ABCD2: variants seen among roughly 807,000 people sequenced by gnomAD.
The protein encoded by ABCD2 is ATP-binding cassette sub-family D member 2.
Under a neutral mutation model 70.9 loss-of-function variants are expected in ABCD2, and 36 were observed. The observed-to-expected ratio is 0.51, with a 90% CI of 0.39 to 0.67. The LOEUF is 0.67. Ranked by LOEUF, ABCD2 falls within the 30% of genes least tolerant of loss-of-function variation. The pLI is 0.00. For missense variants in ABCD2, 729 were observed against 890.2 expected, an observed-to-expected ratio of 0.82 and a Z score of 2.30; for synonymous variants, 304 against 306.9, an observed-to-expected ratio of 0.99 and a Z score of 0.10.
intron 5 of ABCD2, among the ~76,000 whole-genome samples, chr12:39,601,446 G>T (rs1173659063): frequency 6.6e-6 from 1 of 151,596 alleles, no homozygotes; most frequent in Non-Finnish European, 1.5e-5. Flanking sequence ...TCTATTGGAT[G>T]CTTCCCTTTA....
At chr12:39,585,649 A>G (rs1941654013) in intron 7 of ABCD2, among the ~76,000 whole-genome samples, 5 of 152,326 alleles carry the variant, frequency 3.3e-5, no homozygotes, top group Admixed American at 3.3e-4. Context: ...ATACTCTTTC[A>G]AAAATGTTTT....
intron 8 of ABCD2, among the ~76,000 whole-genome samples, chr12:39,574,212 C>T (rs1322703780): frequency 1.3e-5 from 2 of 152,058 alleles, no homozygotes; most frequent in Admixed American, 6.6e-5. Flanking sequence ...AAATACATTG[C>T]AGTAGCTAAT....
At chr12:39,557,224 T>A (rs1206056359) in intron 9 of ABCD2, among the ~76,000 whole-genome samples, 2 of 152,148 alleles carry the variant, frequency 1.3e-5, no homozygotes, top group Non-Finnish European at 2.9e-5. Context: ...AAGCTGACTC[T>A]TGCTATGTTT....
intron 9 of ABCD2, among the ~76,000 whole-genome samples, chr12:39,569,216 C>T (rs1246047265): frequency 6.6e-6 from 1 of 152,204 alleles, no homozygotes; most frequent in Non-Finnish European, 1.5e-5. Flanking sequence ...CTATGCCCTA[C>T]CCCCAGAGGT....
At chr12:39,568,920 C>T (rs1450918641) in intron 9 of ABCD2, among the ~76,000 whole-genome samples, 1 of 152,204 alleles carries the variant, frequency 6.6e-6, no homozygotes, top group Non-Finnish European at 1.5e-5. Flanking sequence ...TGGGTATCAG[C>T]TGTGGAGGCT....
At chr12:39,569,992 G>T (rs1281657039) in intron 9 of ABCD2, among the ~76,000 whole-genome samples, 1 of 152,076 alleles carries the variant, frequency 6.6e-6, no homozygotes, top group African/African-American at 2.4e-5. Context: ...TCAATAGCTA[G>T]AAAAAGTTAA....
chr12:39,570,430 C>G (rs1288966528), intron 9 of ABCD2, among the ~76,000 whole-genome samples: 2 of 152,104 alleles, frequency 1.3e-5, no homozygotes, highest in Non-Finnish European at 2.9e-5. Context: ...GAAATAAATC[C>G]TTGTATTTAT....
rs1157151898 is a variant in ABCD2, at chr12:39,553,445, T to C, written c.*467A>G. 1 of 152,576 alleles carries C rather than the reference T, an allele frequency of 6.6e-6. No individual in the cohort carries two copies. Among genetic ancestry groups the C allele is most frequent in the Non-Finnish European group, 1.5e-5 (1 of 68,314 alleles). 9.5% of individuals were successfully genotyped at this position (152,576 alleles called of 1,614,324 possible). ...ATTTTGTACAGGTTTAGTTGGCCACTAGCAATAATCAATTTGAATTCTAGC... is the reference window on the plus strand; with the variant it reads ...ATTTTGTACAGGTTTAGTTGGCCACCAGCAATAATCAATTTGAATTCTAGC... On this transcript the variant is annotated 3_prime_UTR_variant, in exon 10 of 10. Coordinates refer to ENST00000308666, the MANE Select transcript of ABCD2 (RefSeq NM_005164.4).
At chr12:39,541,180 T>G in the ABCD2 span, among the ~76,000 whole-genome samples, 1 of 151,990 alleles carries the variant, frequency 6.6e-6, no homozygotes, top group African/African-American at 2.4e-5. Context: ...TATTAAAGAG[T>G]AATAGTAAAA....
intron 7 of ABCD2, among the ~76,000 whole-genome samples, chr12:39,581,329 T>C (rs1311643238): frequency 2.0e-5 from 3 of 152,132 alleles, no homozygotes; most frequent in Non-Finnish European, 4.4e-5. Flanking sequence ...AAAAAATATC[T>C]GGAGTGAAAA....
At chr12:39,593,030 T>G (rs1941767598) in intron 6 of ABCD2, among the ~76,000 whole-genome samples, 1 of 152,180 alleles carries the variant, frequency 6.6e-6, no homozygotes, top group Non-Finnish European at 1.5e-5. Flanking sequence ...ACAGCACCCT[T>G]TCTGTCCTCC....
At chr12:39,586,093 C>A in intron 7 of ABCD2, 59 bp downstream of exon 7, 4 of 1,482,288 alleles carry the variant, frequency 2.7e-6, no homozygotes, top group South Asian at 1.3e-5. Context: ...TAAATATATA[C>A]CCAAGCTTAC....
Position 39,558,131 on chromosome 12 carries a change from C to T in ABCD2, c.2004-4000G>A, listed in dbSNP as rs373827276. The stretch of plus-strand genomic sequence containing the variant: ...GCAGCCCAAGGCTATGGGAGCCCAA[C>T]TCTTGCATCAGCAGCACCTGGATGT... On this transcript the variant is annotated intron_variant, in intron 9 of 9. Coordinates refer to ENST00000308666, the MANE Select transcript of ABCD2 (RefSeq NM_005164.4). Among the ~76,000 whole-genome samples, 23 of 152,358 alleles carry T rather than the reference C, an allele frequency of 1.5e-4. No homozygotes were observed. In the East Asian group the frequency reaches 3.3e-3, roughly 22 times the overall value.
chr12:39,531,130 A>G, the ABCD2 span, among the ~76,000 whole-genome samples: 5,744 of 152,262 alleles, frequency 0.038, 127 homozygotes, highest in African/African-American at 0.064. Flanking sequence ...CGCCGTGAAC[A>G]AAACCTGCCC....
At chr12:39,538,401 C>T in the ABCD2 span, among the ~76,000 whole-genome samples, 1 of 152,094 alleles carries the variant, frequency 6.6e-6, no homozygotes, top group Non-Finnish European at 1.5e-5. Context: ...TCTCAAACTC[C>T]TGGCCCCAAG....
chr12:39,536,150 C>T, the ABCD2 span, among the ~76,000 whole-genome samples: 1 of 152,110 alleles, frequency 6.6e-6, no homozygotes, highest in Non-Finnish European at 1.5e-5. Flanking sequence ...AATACACAGT[C>T]CAGAAGAAAC....
chr12:39,543,265 G>A, the ABCD2 span, among the ~76,000 whole-genome samples: 2 of 152,168 alleles, frequency 1.3e-5, no homozygotes, highest in Non-Finnish European at 2.9e-5. Flanking sequence ...CTGAGAAGAT[G>A]AGAGAGAGAT....
At chr12:39,580,596 G>A (rs1252181156) in intron 7 of ABCD2, among the ~76,000 whole-genome samples, 1 of 151,874 alleles carries the variant, frequency 6.6e-6, no homozygotes, top group Non-Finnish European at 1.5e-5. Context: ...TTTATAATAA[G>A]CCTACCTTAA....
At chr12:39,567,316 T>C (rs1941366855) in intron 9 of ABCD2, among the ~76,000 whole-genome samples, 1 of 152,362 alleles carries the variant, frequency 6.6e-6, no homozygotes, top group Admixed American at 6.5e-5. Flanking sequence ...TGGGTGCTTC[T>C]GTATTGGGTG....
Sources: gnomAD v4.1 joint callset for allele counts (sites outside exome capture counted in the v4.1 genomes callset) on GRCh38, gnomAD v4.1.1 for gene constraint, MANE v1.5 for transcripts, NCBI Gene and HGNC (gene_info 2026-07-23, HGNC 2026-07-21) for gene names.